PAWR: variants seen among roughly 807,000 people sequenced by gnomAD.
PAWR encodes pro-apoptotic WT1 regulator.
Under a neutral mutation model 32.0 loss-of-function variants are expected in PAWR, and 23 were observed. The ratio of observed to expected loss-of-function variants is 0.72; its 90% CI spans 0.52 to 1.02. The LOEUF is 1.02. Among genes scored for constraint, PAWR ranks in the 50% least tolerant of loss-of-function variants. The probability of loss-of-function intolerance (pLI) is 0.00; values close to 1 mark genes in which losing one functional copy is unlikely to be tolerated. For missense variants in PAWR, 457 were observed against 437.7 expected (o/e 1.04, Z -0.39); for synonymous variants, 226 against 187.1 (o/e 1.21, Z -1.70).
At chr12:79,682,574 A>G (rs1406775945) in intron 2 of PAWR, among the ~76,000 whole-genome samples, 1 of 152,220 alleles carries the variant, frequency 6.6e-6, no homozygotes, top group African/African-American at 2.4e-5. Flanking sequence ...TAGTCAACTG[A>G]CATGCTAAGA....
At chr12:79,648,152 T>A (rs73136670) in intron 2 of PAWR, among the ~76,000 whole-genome samples, 1 of 152,186 alleles carries the variant, frequency 6.6e-6, no homozygotes, top group Non-Finnish European at 1.5e-5. Flanking sequence ...GCGACCCCTG[T>A]TCTAACATTC....
chr12:79,588,429 A>G lies in PAWR; in HGVS notation c.*4178T>C, dbSNP rs2136666290. 6.6e-6 allele frequency: 1 copy of G among 152,126 alleles called. No individual in the cohort carries two copies. The highest frequency in any genetic ancestry group is 1.9e-4 in the East Asian group (1 of 5,194). The allele number at this position is 152,126 out of a possible 1,614,324, so 9.4% of individuals were successfully genotyped here. Reference sequence around the variant, plus strand: ...TCCTAATTAACATTATCTTTAAAAAATGGTAGATATTTCCCAGTATGCATC... The same window carrying G: ...TCCTAATTAACATTATCTTTAAAAAGTGGTAGATATTTCCCAGTATGCATC... On this transcript the variant is annotated 3_prime_UTR_variant, in exon 7 of 7. Transcript: ENST00000328827.
Position 79,617,642 on chromosome 12 carries a change from A to C in PAWR, c.648+3434T>G, listed in dbSNP as rs1874803455. Among the ~76,000 whole-genome samples the C allele has an allele frequency of 1.3e-5, 2 of 152,198 alleles. 1 individual carries two copies. The highest frequency in any genetic ancestry group is 4.1e-4 in the South Asian group (2 of 4,832). ...TAATTGACAAATAATGATTAGACAT[A>C]TGTATAAGGCACAAAGTGATATTTT... On this transcript the variant is annotated intron_variant, in intron 3 of 6. Coordinates refer to ENST00000328827, the MANE Select transcript of PAWR (RefSeq NM_002583.4).
At chr12:79,632,336 TATATATATATATATATATA>T (rs1875715674) in intron 2 of PAWR, among the ~76,000 whole-genome samples, 2 of 57,580 alleles carry the variant, frequency 3.5e-5, no homozygotes, top group African/African-American at 4.3e-4. Context: ...TATATATATA[TATATATATATATATATATA>T]TATATATTTT....
In PAWR at chr12:79,689,818, T is replaced by C; in HGVS notation, c.427A>G (p.Ser143Gly). 1.3e-6 allele frequency: 2 copies of C among 1,594,578 alleles called. No individual in the cohort carries two copies. The highest frequency in any genetic ancestry group is 1.7e-5 in the Admixed American group (1 of 58,182). ...VPEKGKSSGP[S>G]ARKGKGQIEK... is the part of the protein sequence containing the mutation. Reference sequence around the variant, plus strand: ...ATCTGCCCCTTGCCTTTCCTGGCACTGGGGCCCGAGCTCTTGCCCTTCTCT... The same window carrying C: ...ATCTGCCCCTTGCCTTTCCTGGCACCGGGGCCCGAGCTCTTGCCCTTCTCT... The change falls in exon 2 of 7, where the codon AGT becomes GGT. Residue 143 changes from serine (S) to glycine (G), a missense_variant. Ser to Gly is a moderately conservative substitution (Grantham distance 56). Transcript: ENST00000328827.
In PAWR at chr12:79,690,226, G is replaced by C; in HGVS notation, c.19C>G (p.Arg7Gly). 1 of 1,517,220 alleles carries C rather than the reference G, an allele frequency of 6.6e-7. No homozygotes were observed. Among genetic ancestry groups the C allele is most frequent in the Non-Finnish European group, 8.8e-7 (1 of 1,137,272 alleles). 94.0% of individuals were successfully genotyped at this position (1,517,220 alleles called of 1,614,324 possible). A position where few individuals can be genotyped will look rare whatever the true frequency, so the allele number is the denominator to read the frequency against. Residue 7 changes from arginine (R) to glycine (G), a missense_variant, in exon 2 of 7, where the codon CGG (arginine) becomes GGG (glycine). Coordinates refer to ENST00000328827, the MANE Select transcript of PAWR (RefSeq NM_002583.4). ...CTGCCGCCGAGGCCGCTGCTGGTCC[G>C]GTAGCCACCGGTCGCCATATTCCCA... is the stretch of plus-strand genomic sequence containing the variant. MATGGY[R>G]TSSGLGGSTT...
At chr12:79,670,878 T>G (rs1447585342) in intron 2 of PAWR, among the ~76,000 whole-genome samples, 3 of 146,280 alleles carry the variant, frequency 2.1e-5, no homozygotes, top group African/African-American at 7.3e-5. Context: ...TTTTTAGGGG[T>G]TTTTTTTTTT....
In PAWR at chr12:79,592,548, G is replaced by T. The variant is rs933161004; in HGVS notation, c.*59C>A. On this transcript the variant is annotated 3_prime_UTR_variant, in exon 7 of 7. Transcript: ENST00000328827. Reference sequence around the variant, plus strand: ...AGCATAGGAATATTGTGCTAGCATTGACCATTAACATTCAATCAGTAGTTT... The same window carrying T: ...AGCATAGGAATATTGTGCTAGCATTTACCATTAACATTCAATCAGTAGTTT... 2.9e-5 allele frequency: 21 copies of T among 724,562 alleles called. No homozygotes were observed. The African/African-American group carries it at 3.4e-4, about 12-fold the overall frequency. 44.9% of individuals were successfully genotyped at this position (724,562 alleles called of 1,614,324 possible).
At chr12:79,616,581 A>C (rs1353157561) in intron 3 of PAWR, among the ~76,000 whole-genome samples, 1 of 152,224 alleles carries the variant, frequency 6.6e-6, no homozygotes, top group Non-Finnish European at 1.5e-5. Flanking sequence ...TCTAAATTGC[A>C]GTGGCATTAC....
At chr12:79,648,146 C>A (rs1272098951) in intron 2 of PAWR, among the ~76,000 whole-genome samples, 1 of 152,166 alleles carries the variant, frequency 6.6e-6, no homozygotes, top group African/African-American at 2.4e-5. Flanking sequence ...AGAATGGCGA[C>A]CCCTGTTCTA....
chr12:79,677,351 AAGTACT>A (rs1194987968), intron 2 of PAWR, among the ~76,000 whole-genome samples: 1 of 152,202 alleles, frequency 6.6e-6, no homozygotes, highest in African/African-American at 2.4e-5. Context: ...CAAAAATATA[AAGTACT>A]AGTATCACTG....
chr12:79,621,597 C>A (rs1391654654), intron 2 of PAWR, among the ~76,000 whole-genome samples: 1 of 151,928 alleles, frequency 6.6e-6, no homozygotes, highest in Non-Finnish European at 1.5e-5. Flanking sequence ...AAAGATAATA[C>A]ATATATATAG....
intron 2 of PAWR, among the ~76,000 whole-genome samples, chr12:79,624,635 A>T (rs147676084): frequency 6.6e-6 from 1 of 152,188 alleles, no homozygotes; most frequent in South Asian, 2.1e-4. Flanking sequence ...TTTGATAACA[A>T]GCATCCTAGA....
intron 2 of PAWR, among the ~76,000 whole-genome samples, chr12:79,632,353 A>T (rs1223945021): frequency 0.05 from 972 of 19,468 alleles, 170 homozygotes; most frequent in African/African-American, 0.27. Flanking sequence ...ATATATATAT[A>T]TATATATATT....
At chr12:79,671,278 C>T (rs896697073) in intron 2 of PAWR, among the ~76,000 whole-genome samples, 3 of 152,092 alleles carry the variant, frequency 2.0e-5, no homozygotes, top group African/African-American at 7.2e-5. Flanking sequence ...TTTCTCTAAT[C>T]AATTTACCAT....
chr12:79,591,464 G>C lies in PAWR; in HGVS notation c.*1143C>G, dbSNP rs191152834. 110 of 152,090 alleles carry C rather than the reference G, an allele frequency of 7.2e-4. No homozygotes were observed. The highest frequency in any genetic ancestry group is 1.5e-5 in the Non-Finnish European group (1 of 67,988). The allele number at this position is 152,090 out of a possible 1,614,324, so 9.4% of individuals were successfully genotyped here. ...ATGTCATAATTTTAATGTATTTTAA[G>C]GGAAGACGGGGTTCTTAACATGAAT... On this transcript the variant is annotated 3_prime_UTR_variant, in exon 7 of 7. Coordinates refer to ENST00000328827, the MANE Select transcript of PAWR (RefSeq NM_002583.4).
intron 4 of PAWR, chr12:79,603,679 T>G (rs1874052493): frequency 7.2e-6 from 1 of 139,830 alleles, no homozygotes; most frequent in Non-Finnish European, 1.6e-5. Context: ...TTTTTTTTTT[T>G]TTTTTTTTTT....
intron 2 of PAWR, among the ~76,000 whole-genome samples, chr12:79,687,998 A>G (rs1052336662): frequency 6.6e-6 from 1 of 151,604 alleles, no homozygotes; most frequent in Non-Finnish European, 1.5e-5. Context: ...TCTACAGACA[A>G]AAAAAAAGGT....
chr12:79,615,130 A>G (rs1185195819), intron 3 of PAWR, among the ~76,000 whole-genome samples: 4 of 151,266 alleles, frequency 2.6e-5, no homozygotes, highest in East Asian at 3.9e-4. Context: ...GAATTTGAGT[A>G]AGTCTGTCTT....
Sources: allele counts gnomAD v4.1 joint callset (sites outside exome capture counted in the v4.1 genomes callset), GRCh38; gene constraint gnomAD v4.1.1; transcripts MANE v1.5; gene names NCBI Gene and HGNC (gene_info 2026-07-23, HGNC 2026-07-21).